Variants in ZMAT4 observed in about 807,000 individuals in gnomAD.
ZMAT4 encodes zinc finger matrin-type protein 4.
In ZMAT4, 17 loss-of-function variants were observed where a neutral mutation model predicts 28.7. That is an observed-to-expected ratio of 0.59 (90% CI 0.41 to 0.89). ZMAT4 has a LOEUF of 0.89. Ranked by LOEUF, ZMAT4 falls within the 40% of genes least tolerant of loss-of-function variation. The pLI is 0.00. For missense variants in ZMAT4, 240 were observed against 283.8 expected, an observed-to-expected ratio of 0.85 and a Z score of 1.11; for synonymous variants, 117 against 109.2, an observed-to-expected ratio of 1.07 and a Z score of -0.44.
At chr8:40,667,331 T>A (rs908176111) in intron 5 of ZMAT4, among the ~76,000 whole-genome samples, 1 of 151,990 alleles carries the variant, frequency 6.6e-6, no homozygotes, top group Non-Finnish European at 1.5e-5. Flanking sequence ...AATTTTTGTA[T>A]TTTTAGTAGA....
intron 4 of ZMAT4, 42 bp from the exon 5 acceptor site, chr8:40,674,973 C>A: frequency 6.7e-7 from 1 of 1,494,942 alleles, no homozygotes; most frequent in Non-Finnish European, 9.3e-7. Flanking sequence ...CACGTTAGTC[C>A]AACACTGAGT....
At chr8:40,630,259 A>G (rs951989732) in intron 5 of ZMAT4, among the ~76,000 whole-genome samples, 1 of 152,186 alleles carries the variant, frequency 6.6e-6, no homozygotes, top group African/African-American at 2.4e-5. Flanking sequence ...GTATACTTCA[A>G]ATGTCTCTCC....
chr8:40,834,581 T>A (rs1816409610), intron 1 of ZMAT4, among the ~76,000 whole-genome samples: 1 of 152,080 alleles, frequency 6.6e-6, no homozygotes, highest in Admixed American at 6.5e-5. Flanking sequence ...AAGCACTCAG[T>A]CTGCAGCAGG....
chr8:40,641,475 T>A (rs1252127649), intron 5 of ZMAT4, among the ~76,000 whole-genome samples: 1 of 152,186 alleles, frequency 6.6e-6, no homozygotes, highest in African/African-American at 2.4e-5. Flanking sequence ...AAAAGAATTA[T>A]TCTAAAAAAC....
intron 3 of ZMAT4, among the ~76,000 whole-genome samples, chr8:40,749,686 T>A (rs941081720): frequency 1.3e-5 from 2 of 152,332 alleles, no homozygotes; most frequent in Admixed American, 1.3e-4. Flanking sequence ...ACTACTAAGG[T>A]CACTTATGCA....
At chr8:40,656,335 A>G (rs917341354) in intron 5 of ZMAT4, among the ~76,000 whole-genome samples, 6 of 152,128 alleles carry the variant, frequency 3.9e-5, no homozygotes, top group African/African-American at 1.4e-4. Flanking sequence ...ACACTTATAC[A>G]TTGCTGGTGG....
chr8:40,726,045 T>C (rs547123430), intron 3 of ZMAT4, among the ~76,000 whole-genome samples: 1 of 152,350 alleles, frequency 6.6e-6, no homozygotes, highest in African/African-American at 2.4e-5. Context: ...ATACCTGATT[T>C]CCATTACCCC....
intron 6 of ZMAT4, among the ~76,000 whole-genome samples, chr8:40,568,835 C>G (rs1052248025): frequency 6.6e-6 from 1 of 152,146 alleles, no homozygotes; most frequent in Non-Finnish European, 1.5e-5. Context: ...AATAACCTTT[C>G]TTGATGGCTC....
rs550125969 is a variant in ZMAT4, at chr8:40,814,550, G to T, written c.102+11025C>A. On this transcript the variant is annotated intron_variant, in intron 2 of 6. Transcript: ENST00000297737. ...CCAGAGTTTTATCAAGGCTACCAAG[G>T]GTTATCAGGCAATTCAATAGTGCTT... Among the ~76,000 whole-genome samples, 12 of 152,168 alleles carry T rather than the reference G, an allele frequency of 7.9e-5. No homozygotes were observed. In the South Asian group the frequency reaches 2.5e-3, roughly 32 times the overall value.
intron 4 of ZMAT4, among the ~76,000 whole-genome samples, chr8:40,684,321 C>G (rs1380873122): frequency 6.6e-6 from 1 of 152,198 alleles, no homozygotes; most frequent in Non-Finnish European, 1.5e-5. Context: ...GACGTCCTTT[C>G]ATCGTAAACC....
At chr8:40,873,078 A>G (rs1817919891) in intron 1 of ZMAT4, among the ~76,000 whole-genome samples, 1 of 152,088 alleles carries the variant, frequency 6.6e-6, no homozygotes, top group Non-Finnish European at 1.5e-5. Context: ...TGACAGAGAG[A>G]TTTAGATGAA....
chr8:40,607,284 CT>C (rs1805630049), intron 5 of ZMAT4, among the ~76,000 whole-genome samples: 1 of 151,894 alleles, frequency 6.6e-6, no homozygotes, highest in African/African-American at 2.4e-5. Context: ...GCCACCACCC[CT>C]GGCTAATTTT....
At position 40,539,792 on chromosome 8, in the gene ZMAT4, A is replaced by G. The variant is rs150871474; in HGVS notation, c.675-7554T>C. Among the ~76,000 whole-genome samples, 171 of 152,308 alleles carry G rather than the reference A, an allele frequency of 1.1e-3. 1 individual carries two copies. Among genetic ancestry groups the G allele is most frequent in the African/African-American group, 3.9e-3 (163 of 41,554 alleles). On this transcript the variant is annotated intron_variant, in intron 6 of 6. Coordinates refer to ENST00000297737, the MANE Select transcript of ZMAT4 (RefSeq NM_024645.3). ...TCTTTTTTCCAAGTTCTTGAGGTGGAGGTCTAAGCCCTTGGGATTTCCCAA... is the reference window on the plus strand; with the variant it reads ...TCTTTTTTCCAAGTTCTTGAGGTGGGGGTCTAAGCCCTTGGGATTTCCCAA...
At chr8:40,532,329 A>G (rs1802716455) in intron 6 of ZMAT4, 91 bp from the exon 7 acceptor site, 1 of 1,051,000 alleles carries the variant, frequency 9.5e-7, no homozygotes, top group South Asian at 1.9e-5. Context: ...TCTCTCTTCT[A>G]CTTCTCATAT....
chr8:40,782,770 T>C (rs560777275), intron 2 of ZMAT4, among the ~76,000 whole-genome samples: 1 of 152,302 alleles, frequency 6.6e-6, no homozygotes, highest in South Asian at 2.1e-4. Flanking sequence ...AGAAGAGATA[T>C]ACAAATGGTC....
At chr8:40,576,950 T>G (rs767859060) in intron 6 of ZMAT4, among the ~76,000 whole-genome samples, 32 of 152,108 alleles carry the variant, frequency 2.1e-4, no homozygotes, top group Non-Finnish European at 3.8e-4. Context: ...TCCCAGCACT[T>G]TGGGAGGCTG....
chr8:40,698,509 G>T (rs1809992361), intron 3 of ZMAT4, among the ~76,000 whole-genome samples: 1 of 152,186 alleles, frequency 6.6e-6, no homozygotes. Context: ...AAGCTGGAAT[G>T]AGTATATGGC....
intron 5 of ZMAT4, among the ~76,000 whole-genome samples, chr8:40,649,706 A>G (rs1268097554): frequency 6.6e-6 from 1 of 152,104 alleles, no homozygotes; most frequent in South Asian, 2.1e-4. Context: ...GTAAAAGAAC[A>G]GAAATTATAA....
chr8:40,647,591 G>A (rs1180157963), intron 5 of ZMAT4, among the ~76,000 whole-genome samples: 3 of 152,178 alleles, frequency 2.0e-5, no homozygotes, highest in African/African-American at 7.2e-5. Flanking sequence ...AAGGAGGCCT[G>A]CCTGTCTCTG....
Sources: gnomAD v4.1 joint callset for allele counts (sites outside exome capture counted in the v4.1 genomes callset) on GRCh38, gnomAD v4.1.1 for gene constraint, MANE v1.5 for transcripts, NCBI Gene and HGNC (gene_info 2026-07-23, HGNC 2026-07-21) for gene names.